The following SAMMSON variants were observed in gnomAD, a reference collection of about 807,000 sequenced individuals.
SAMMSON encodes long intergenic non-protein coding RNA 1212.
intron 4 of SAMMSON, among the ~76,000 whole-genome samples, chr3:70,225,553 A>G (rs773749828): frequency 6.6e-5 from 10 of 152,196 alleles, no homozygotes; most frequent in Non-Finnish European, 1.0e-4. Context: ...GTCAGTGTAT[A>G]CTGTTTATAT....
intron 4 of SAMMSON, among the ~76,000 whole-genome samples, chr3:70,119,345 G>A (rs777831476): frequency 2.9e-4 from 44 of 152,326 alleles, no homozygotes; most frequent in Non-Finnish European, 5.7e-4. Context: ...GGGATTACAG[G>A]CGTGAGCCAC....
intron 4 of SAMMSON, among the ~76,000 whole-genome samples, chr3:70,199,735 A>C (rs975394378): frequency 6.6e-6 from 1 of 152,182 alleles, no homozygotes; most frequent in African/African-American, 2.4e-5. Flanking sequence ...CTTGTCCTGA[A>C]TGAGTATATT....
chr3:70,110,235 G>A (rs144094943), intron 4 of SAMMSON, among the ~76,000 whole-genome samples: 79 of 152,252 alleles, frequency 5.2e-4, no homozygotes, highest in Middle Eastern at 6.8e-3. Flanking sequence ...TGTCTTTTTC[G>A]TATTTGATTT....
intron 4 of SAMMSON, among the ~76,000 whole-genome samples, chr3:70,089,771 T>A (rs1374027565): frequency 6.6e-6 from 1 of 152,148 alleles, no homozygotes; most frequent in Non-Finnish European, 1.5e-5. Flanking sequence ...ATAATGATGA[T>A]AATTTTCGCA....
chr3:70,423,159 A>G (rs377382287), intron 2 of SAMMSON, among the ~76,000 whole-genome samples: 1 of 152,124 alleles, frequency 6.6e-6, no homozygotes, highest in Non-Finnish European at 1.5e-5. Context: ...GAGAAAGATG[A>G]GACAAATAGT....
intron 3 of SAMMSON, chr3:70,068,972 T>C (rs1352395043): frequency 6.6e-6 from 1 of 152,052 alleles, no homozygotes; most frequent in Non-Finnish European, 1.5e-5. Context: ...CCAAAGCACA[T>C]TGGAATATGT....
At chr3:70,094,429 A>G (rs976516685) in intron 4 of SAMMSON, among the ~76,000 whole-genome samples, 1 of 152,168 alleles carries the variant, frequency 6.6e-6, no homozygotes, top group Non-Finnish European at 1.5e-5. Context: ...GTTCCACTCC[A>G]TTGCTCTTAA....
At chr3:70,086,959 G>T (rs1402241380) in intron 4 of SAMMSON, among the ~76,000 whole-genome samples, 1 of 152,148 alleles carries the variant, frequency 6.6e-6, no homozygotes, top group Non-Finnish European at 1.5e-5. Context: ...CTTGCCCAAG[G>T]TTGCAGAGCT....
chr3:70,377,921 T>C (rs1703034449), intron 9 of SAMMSON, among the ~76,000 whole-genome samples: 1 of 151,932 alleles, frequency 6.6e-6, no homozygotes, highest in Non-Finnish European at 1.5e-5. Flanking sequence ...TTTTTGCCCA[T>C]CAGACTGACA....
intron 4 of SAMMSON, among the ~76,000 whole-genome samples, chr3:70,239,835 G>A (rs994462690): frequency 6.6e-6 from 1 of 152,022 alleles, no homozygotes; most frequent in African/African-American, 2.4e-5. Flanking sequence ...TGAGTCCAGC[G>A]TCTGGCAGAT....
intron 6 of SAMMSON, among the ~76,000 whole-genome samples, chr3:70,251,741 C>G (rs1185900595): frequency 6.6e-6 from 1 of 152,122 alleles, no homozygotes; most frequent in Admixed American, 6.5e-5. Context: ...AGTAGTTGCT[C>G]GTCTAAGGAA....
At chr3:70,300,844 A>G (rs1056469927) in intron 7 of SAMMSON, among the ~76,000 whole-genome samples, 29 of 152,044 alleles carry the variant, frequency 1.9e-4, no homozygotes, top group Non-Finnish European at 2.5e-4. Flanking sequence ...AGCTATACCA[A>G]ATTTGGACAC....
rs1048873072 is a variant in SAMMSON, at chr3:70,264,866, C to A, written n.674+15196C>A. On this transcript the variant is annotated intron_variant and non_coding_transcript_variant, in intron 6 of 9. Coordinates refer to ENST00000642114, the Ensembl canonical transcript of SAMMSON. ...TTCTCACACTGCTAATAAAGACATA[C>A]CATAGACTGGGTAATTTATACAGGA... Among the ~76,000 whole-genome samples the A allele has an allele frequency of 3.9e-5, 6 of 151,998 alleles. No individual in the cohort carries two copies. The East Asian group carries it at 9.7e-4, about 24-fold the overall frequency.
intron 2 of SAMMSON, among the ~76,000 whole-genome samples, chr3:70,421,180 T>A (rs999503415): frequency 3.4e-4 from 51 of 152,128 alleles, no homozygotes; most frequent in African/African-American, 1.1e-3. Flanking sequence ...TTTCTTAGTA[T>A]AATATAAGTG....
intron 4 of SAMMSON, among the ~76,000 whole-genome samples, chr3:70,167,355 TA>T (rs1456811086): frequency 7.2e-5 from 11 of 152,036 alleles, no homozygotes; most frequent in African/African-American, 2.4e-4. Flanking sequence ...TGCATTTAAA[TA>T]GTGAGCAGAA....
At chr3:70,262,794 C>T (rs929656205) in intron 6 of SAMMSON, among the ~76,000 whole-genome samples, 6 of 152,100 alleles carry the variant, frequency 3.9e-5, no homozygotes, top group African/African-American at 1.2e-4. Flanking sequence ...AAATATTTTT[C>T]CATGTTCCAT....
intron 4 of SAMMSON, among the ~76,000 whole-genome samples, chr3:70,104,931 TA>T (rs758391201): frequency 3.9e-5 from 6 of 152,162 alleles, no homozygotes; most frequent in Non-Finnish European, 8.8e-5. Context: ...AGGTTCTCAG[TA>T]GCCTCAACTA....
At chr3:70,128,067 C>G (rs980162036) in intron 4 of SAMMSON, among the ~76,000 whole-genome samples, 1 of 152,184 alleles carries the variant, frequency 6.6e-6, no homozygotes, top group African/African-American at 2.4e-5. Flanking sequence ...GAATAGCCCG[C>G]AGAAGTATGT....
intron 2 of SAMMSON, among the ~76,000 whole-genome samples, chr3:70,423,727 T>C (rs577370443): frequency 4.6e-5 from 7 of 152,178 alleles, no homozygotes; most frequent in Non-Finnish European, 5.9e-5. Flanking sequence ...TGGAACTCTG[T>C]ATGTTTGGGG....
Sources: gnomAD v4.1 joint callset for allele counts (sites outside exome capture counted in the v4.1 genomes callset) on GRCh38, gnomAD v4.1.1 for gene constraint, MANE v1.5 for transcripts, NCBI Gene and HGNC (gene_info 2026-07-23, HGNC 2026-07-21) for gene names.